Variants in DIAPH3 observed in about 807,000 individuals in gnomAD.
The protein encoded by DIAPH3 is diaphanous related formin 3, also known as protein diaphanous homolog 3.
A neutral mutation model predicts 144.3 loss-of-function variants in DIAPH3; 117 were observed. The observed-to-expected ratio is 0.81, with a 90% confidence interval of 0.70 to 0.95. The LOEUF (loss-of-function observed/expected upper bound fraction) is 0.95, where lower values mean the gene tolerates loss of function less well. DIAPH3 is among the 40% of genes least tolerant of loss of function. DIAPH3 has a pLI of 0.00. For missense variants in DIAPH3, 1,421 were observed against 1,412.7 expected, an observed-to-expected ratio of 1.01 and a Z score of -0.09; for synonymous variants, 519 against 488.9, an observed-to-expected ratio of 1.06 and a Z score of -0.81.
At chr13:59,717,410 G>A (rs902756243) in intron 27 of DIAPH3, among the ~76,000 whole-genome samples, 1 of 152,102 alleles carries the variant, frequency 6.6e-6, no homozygotes, top group Non-Finnish European at 1.5e-5. Context: ...GTGATCCATG[G>A]TGGCAGGAAC....
At position 60,059,595 on chromosome 13, in the gene DIAPH3, T is replaced by A. The variant is rs540759070; in HGVS notation, c.496-16775A>T. Among the ~76,000 whole-genome samples the A allele has an allele frequency of 8.5e-5, 13 of 152,144 alleles. No homozygotes were observed. The South Asian group carries it at 2.3e-3, about 27-fold the overall frequency. ...GGTGTCACACAGGACCACTTGTTTTTATTTTGGATCTTCAGTATACCTCTA... is the reference window on the plus strand; with the variant it reads ...GGTGTCACACAGGACCACTTGTTTTAATTTTGGATCTTCAGTATACCTCTA... On this transcript the variant is annotated intron_variant, in intron 4 of 27. Coordinates refer to ENST00000400324, the MANE Select transcript of DIAPH3 (RefSeq NM_001042517.2).
At chr13:59,851,579 C>T (rs1018823136) in intron 22 of DIAPH3, among the ~76,000 whole-genome samples, 5 of 151,298 alleles carry the variant, frequency 3.3e-5, no homozygotes, top group African/African-American at 9.7e-5. Flanking sequence ...CTCTTTGGTG[C>T]CTTGGAATGG....
chr13:59,865,660 C>T (rs191240106), intron 21 of DIAPH3, among the ~76,000 whole-genome samples: 4 of 151,996 alleles, frequency 2.6e-5, no homozygotes, highest in Middle Eastern at 3.4e-3. Context: ...TCTGTTCATT[C>T]CAGACAAAAT....
chr13:59,879,982 A>C (rs2044900852), intron 20 of DIAPH3, among the ~76,000 whole-genome samples: 1 of 152,154 alleles, frequency 6.6e-6, no homozygotes, highest in Non-Finnish European at 1.5e-5. Flanking sequence ...AATTTGTACT[A>C]AATTGACTTT....
At chr13:59,716,216 C>G (rs573046849) in intron 27 of DIAPH3, among the ~76,000 whole-genome samples, 1 of 152,108 alleles carries the variant, frequency 6.6e-6, no homozygotes, top group African/African-American at 2.4e-5. Flanking sequence ...GCTTTTTCCG[C>G]CCAGGCCAGA....
chr13:59,759,011 C>T (rs555942309), intron 27 of DIAPH3, among the ~76,000 whole-genome samples: 152 of 146,558 alleles, frequency 1.0e-3, no homozygotes, highest in African/African-American at 3.6e-3. Context: ...AGGCTGGTCT[C>T]GAACTCCTGG....
chr13:60,116,807 C>A (rs2058716403), intron 2 of DIAPH3, among the ~76,000 whole-genome samples: 1 of 151,776 alleles, frequency 6.6e-6, no homozygotes, highest in African/African-American at 2.4e-5. Context: ...CACCAAAAAC[C>A]AAAACTTTTT....
At chr13:59,812,058 A>G (rs2040504289) in intron 24 of DIAPH3, among the ~76,000 whole-genome samples, 1 of 152,214 alleles carries the variant, frequency 6.6e-6, no homozygotes, top group Admixed American at 6.5e-5. Context: ...TAATTAAACT[A>G]TAACAAGTAG....
chr13:60,066,050 T>C (rs1193100001), intron 4 of DIAPH3, among the ~76,000 whole-genome samples: 4 of 151,988 alleles, frequency 2.6e-5, no homozygotes, highest in Non-Finnish European at 4.4e-5. Flanking sequence ...TTCAAGAAAA[T>C]AGTATAACTT....
At chr13:59,954,773 A>C (rs1333735726) in intron 17 of DIAPH3, among the ~76,000 whole-genome samples, 1 of 152,150 alleles carries the variant, frequency 6.6e-6, no homozygotes, top group Non-Finnish European at 1.5e-5. Context: ...ATCCTATATG[A>C]CTGAAGCAGG....
At chr13:59,702,115 G>A (rs367892053) in intron 27 of DIAPH3, among the ~76,000 whole-genome samples, 10 of 152,140 alleles carry the variant, frequency 6.6e-5, no homozygotes, top group African/African-American at 2.4e-4. Context: ...ATAAAGATTT[G>A]TTATTATTTA....
intron 24 of DIAPH3, among the ~76,000 whole-genome samples, chr13:59,811,661 CA>C (rs2040481611): frequency 6.9e-6 from 1 of 145,916 alleles, no homozygotes; most frequent in Non-Finnish European, 1.5e-5. Flanking sequence ...GGTGTGAACC[CA>C]GGAGGCAGAG....
intron 24 of DIAPH3, among the ~76,000 whole-genome samples, chr13:59,825,078 G>C (rs1194305524): frequency 6.6e-6 from 1 of 151,830 alleles, no homozygotes; most frequent in East Asian, 1.9e-4. Flanking sequence ...GGGTACATGT[G>C]CACAATGTGC....
intron 27 of DIAPH3, among the ~76,000 whole-genome samples, chr13:59,723,936 G>C (rs2035480451): frequency 7.3e-6 from 1 of 137,328 alleles, no homozygotes; most frequent in South Asian, 2.3e-4. Flanking sequence ...CTATCTATCT[G>C]TTCACCTCAA....
intron 4 of DIAPH3, among the ~76,000 whole-genome samples, chr13:60,050,647 A>G (rs534726711): frequency 6.6e-6 from 1 of 152,340 alleles, no homozygotes; most frequent in South Asian, 2.1e-4. Flanking sequence ...GTGGACATTT[A>G]AGAAAAAGTA....
chr13:59,670,834 T>C (rs537644359), intron 27 of DIAPH3, among the ~76,000 whole-genome samples: 53 of 152,186 alleles, frequency 3.5e-4, no homozygotes, highest in African/African-American at 9.9e-4. Flanking sequence ...CCGCCCGCCT[T>C]GGCCTCCCAA....
At chr13:59,746,499 C>T (rs2036711646) in intron 27 of DIAPH3, among the ~76,000 whole-genome samples, 1 of 152,034 alleles carries the variant, frequency 6.6e-6, no homozygotes, top group South Asian at 2.1e-4. Context: ...GCTGACATTA[C>T]AGGTGTGAGC....
At chr13:59,812,286 A>ATCCC (rs1272732654) in intron 24 of DIAPH3, among the ~76,000 whole-genome samples, 2 of 151,612 alleles carry the variant, frequency 1.3e-5, no homozygotes, top group African/African-American at 4.8e-5. Flanking sequence ...CCATCCATCC[A>ATCCC]TCCATCCATC....
At chr13:60,014,764 C>A (rs2053518252) in intron 7 of DIAPH3, among the ~76,000 whole-genome samples, 1 of 152,058 alleles carries the variant, frequency 6.6e-6, no homozygotes, top group Admixed American at 6.5e-5. Flanking sequence ...AATTTCCCCC[C>A]CTGCTGTCTA....
Sources: gnomAD v4.1 joint callset for allele counts (sites outside exome capture counted in the v4.1 genomes callset) on GRCh38, gnomAD v4.1.1 for gene constraint, MANE v1.5 for transcripts, NCBI Gene and HGNC (gene_info 2026-07-23, HGNC 2026-07-21) for gene names.